DHX8: variants seen among roughly 807,000 people sequenced by gnomAD.
The protein encoded by DHX8 is DEAH-box helicase 8.
In DHX8, 67 loss-of-function variants were observed where a neutral mutation model predicts 140.7. The observed-to-expected ratio is 0.48, with a 90% confidence interval of 0.39 to 0.58. DHX8 has a LOEUF of 0.58. Among genes scored for constraint, DHX8 ranks in the 20% least tolerant of loss-of-function variants. DHX8 has a pLI of 0.00. For synonymous variants in DHX8, 533 were observed against 553.2 expected (o/e 0.96, Z 0.51); for missense variants, 887 against 1,550.7 (o/e 0.57, Z 7.19).
At chr17:43,491,647 AC>A (rs1284032948) in intron 4 of DHX8, among the ~76,000 whole-genome samples, 3 of 152,134 alleles carry the variant, frequency 2.0e-5, no homozygotes, top group African/African-American at 7.2e-5. Flanking sequence ...TGTTCTAAGT[AC>A]CTGGATAACA....
At position 43,496,171 on chromosome 17, in the gene DHX8, C is replaced by A. The variant is rs774898843; in HGVS notation, c.1213-10C>A. On this transcript the variant is annotated splice_polypyrimidine_tract_variant and intron_variant, in intron 8 of 22. Transcript: ENST00000262415. ...CAGGTTACAAATGCTGCCTTCTCTT[C>A]TTTGGCTAGATGATTGCTGCCAATG... 17 of 1,610,662 alleles carry A rather than the reference C, an allele frequency of 1.1e-5. No individual in the cohort carries two copies. Among genetic ancestry groups the A allele is most frequent in the Non-Finnish European group, 1.4e-5 (17 of 1,177,976 alleles).
intron 2 of DHX8, chr17:43,533,258 C>T (rs1171008035): frequency 1.2e-6 from 2 of 1,613,956 alleles, no homozygotes; most frequent in East Asian, 2.2e-5. Context: ...AATTCCGTTG[C>T]TCTGCCCGGG....
rs1234650575 is a variant in DHX8 at position 43,492,900 on chromosome 17, T to C, written c.723T>C (p.Tyr241=). 5.6e-6 allele frequency: 9 copies of C among 1,614,190 alleles called. No individual in the cohort carries two copies. The East Asian group carries it at 8.9e-5, about 16-fold the overall frequency. The change falls in exon 6 of 23, where the codon TAT becomes TAC. Residue 241 remains tyrosine (Y), a synonymous_variant. Coordinates refer to ENST00000262415, the MANE Select transcript of DHX8 (RefSeq NM_004941.3). Reference sequence around the variant, plus strand: ...AAGACCGGAAGGACCGGGACAAATATGGAGAGCGGAATCTGGATAGATGGC... The same window carrying C: ...AAGACCGGAAGGACCGGGACAAATACGGAGAGCGGAATCTGGATAGATGGC... The part of the protein sequence containing the change: ...PPKDRKDRDK[Y]GERNLDRWRD...
Position 43,521,542 on chromosome 17 carries a change from G to A in DHX8, c.3240G>A (p.Lys1080=). The stretch of plus-strand genomic sequence containing the variant: ...TGCGCCGGGCCCAGGACATTCGCAA[G>A]CAGATGTTAGGCATAATGGACAGGT... ...RSLRRAQDIR[K]QMLGIMDRHK... The change falls in exon 21 of 23, where the codon AAG becomes AAA. Residue 1080 remains lysine (K), a synonymous_variant. Coordinates refer to ENST00000262415, the MANE Select transcript of DHX8 (RefSeq NM_004941.3). The A allele has an allele frequency of 6.2e-7, 1 of 1,612,888 alleles. No homozygotes were observed. Among genetic ancestry groups the A allele is most frequent in the Non-Finnish European group, 8.5e-7 (1 of 1,179,200 alleles).
intron 1 of DHX8, 90 bp from the exon 2 acceptor site, chr17:43,489,359 G>C (rs1450483746): frequency 1.1e-6 from 1 of 871,084 alleles, no homozygotes; most frequent in East Asian, 2.5e-5. Context: ...TATTACTGTT[G>C]GATAACCTAA....
At chr17:43,513,823 C>T (rs1969974752) in intron 17 of DHX8, among the ~76,000 whole-genome samples, 2 of 149,086 alleles carry the variant, frequency 1.3e-5, no homozygotes, top group Non-Finnish European at 1.5e-5. Context: ...AAGCGATTCT[C>T]CTGCCTTAGC....
intron 2 of DHX8, chr17:43,532,690 G>A: frequency 6.2e-7 from 1 of 1,612,882 alleles, no homozygotes; most frequent in Non-Finnish European, 8.5e-7. Flanking sequence ...CGTAGGCGAA[G>A]TCCGTCTGTT....
intron 20 of DHX8, 101 bp from the exon 21 acceptor site, chr17:43,521,268 T>C: frequency 1.0e-6 from 1 of 967,866 alleles, no homozygotes; most frequent in Non-Finnish European, 1.5e-6. Flanking sequence ...TAGCCTGATG[T>C]GGACACTTTT....
chr17:43,492,638 C>T (rs372029314), intron 5 of DHX8, 43 bp from the exon 6 acceptor site: 14 of 1,191,454 alleles, frequency 1.2e-5, no homozygotes, highest in Middle Eastern at 1.9e-4. Flanking sequence ...AAGATGAAAT[C>T]GGATTGGTTT....
intron 18 of DHX8, 174 bp from the exon 19 acceptor site, chr17:43,519,956 A>G (rs1049676974): frequency 8.0e-6 from 5 of 624,776 alleles, no homozygotes; most frequent in Admixed American, 2.9e-5. Context: ...TGTGCTTTCT[A>G]TTATAATAGT....
intron 6 of DHX8, 35 bp downstream of exon 6, chr17:43,493,075 T>C: frequency 6.3e-7 from 1 of 1,581,408 alleles, no homozygotes; most frequent in South Asian, 1.1e-5. Context: ...ACACCAGTGA[T>C]GGGCAGAATT....
rs373928988 is a variant in DHX8 at position 43,490,293 on chromosome 17, C to T, written c.235-98C>T. The T allele has an allele frequency of 4.6e-4, 408 of 877,670 alleles. 3 individuals are homozygous for T. The African/African-American group carries it at 5.9e-3, about 13-fold the overall frequency. The allele number at this position is 877,670 out of a possible 1,614,324, so 54.4% of individuals were successfully genotyped here. A position where few individuals can be genotyped will look rare whatever the true frequency, so the allele number is the denominator to read the frequency against. The stretch of plus-strand genomic sequence containing the variant: ...TATTCCAATTAGCTAAATTCAAGTG[C>T]GTAACCACCCTTCCCTACAGGACAT... On this transcript the variant is annotated intron_variant, in intron 2 of 22. Transcript: ENST00000262415.
chr17:43,527,507 G>T (rs1467145530), downstream of DHX8, among the ~76,000 whole-genome samples: 1 of 152,174 alleles, frequency 6.6e-6, no homozygotes, highest in Non-Finnish European at 1.5e-5. Context: ...GGAGACCCTT[G>T]CCACTCAGTA....
chr17:43,536,386 C>G lies in DHX8; in HGVS notation c.351-26C>G, dbSNP rs781077892. ...ATCCTATGACTCACTTCCTGCCATC[C>G]TCCACTCCCTATACCCTCTCCCCAG... On this transcript the variant is annotated intron_variant, in intron 2 of 3. Coordinates refer to the DHX8 transcript ENST00000589898. The G allele has an allele frequency of 1.2e-5, 19 of 1,573,398 alleles. No individual in the cohort carries two copies. In the Admixed American group the frequency reaches 2.5e-4, roughly 21 times the overall value.
intron 2 of DHX8, among the ~76,000 whole-genome samples, chr17:43,532,392 G>C (rs1460838871): frequency 6.6e-6 from 1 of 152,044 alleles, no homozygotes; most frequent in Non-Finnish European, 1.5e-5. Context: ...CCAGGTACTC[G>C]GGAGGCTGAG....
In DHX8 at chr17:43,500,000, C is replaced by G; in HGVS notation, c.1443C>G (p.Ala481=). The change falls in exon 11 of 23, where the codon GCC becomes GCG. Residue 481 remains alanine, a synonymous_variant. Coordinates refer to ENST00000262415, the MANE Select transcript of DHX8 (RefSeq NM_004941.3). ...CCCAAGCAGCAATGATGCAGAGTGC[C>G]TTGGCCAAAGAAAGGCGGGAACTCA... ...SLSQAAMMQS[A]LAKERRELKQ... 1 of 1,614,180 alleles carries G rather than the reference C, an allele frequency of 6.2e-7. No individual in the cohort carries two copies.
chr17:43,489,738 C>G (rs1000578974), intron 2 of DHX8, among the ~76,000 whole-genome samples: 20 of 152,106 alleles, frequency 1.3e-4, no homozygotes, highest in Admixed American at 1.2e-3. Context: ...CTACAGGTGC[C>G]TGCCACCATG....
intron 3 of DHX8, among the ~76,000 whole-genome samples, chr17:43,537,178 C>T (rs982352638): frequency 2.6e-5 from 4 of 152,078 alleles, no homozygotes; most frequent in Non-Finnish European, 5.9e-5. Context: ...CCAGCCTGGC[C>T]AACATGACGA....
chr17:43,491,744 A>C (rs1017840713), intron 4 of DHX8, among the ~76,000 whole-genome samples: 1 of 152,134 alleles, frequency 6.6e-6, no homozygotes, highest in African/African-American at 2.4e-5. Flanking sequence ...ACATGTAAAC[A>C]TTCTGGTGGG....
Sources: gnomAD v4.1 joint callset for allele counts (sites outside exome capture counted in the v4.1 genomes callset) on GRCh38, gnomAD v4.1.1 for gene constraint, MANE v1.5 for transcripts, NCBI Gene and HGNC (gene_info 2026-07-23, HGNC 2026-07-21) for gene names.